Variants in IMMP2L observed in about 807,000 individuals in gnomAD.
IMMP2L encodes the protein inner mitochondrial membrane peptidase subunit 2, also known as mitochondrial inner membrane protease subunit 2.
In IMMP2L, 18 loss-of-function variants were observed where a neutral mutation model predicts 19.3. The ratio of observed to expected loss-of-function variants is 0.93; its 90% confidence interval spans 0.64 to 1.38. The LOEUF (loss-of-function observed/expected upper bound fraction) is 1.38, where lower values mean the gene tolerates loss of function less well. Ranked by LOEUF, IMMP2L falls within the 40% of genes most tolerant of loss-of-function variation. IMMP2L has a pLI of 0.00. For synonymous variants in IMMP2L, 76 were observed against 73.0 expected, an observed-to-expected ratio of 1.04 and a Z score of -0.21; for missense variants, 233 against 218.2, an observed-to-expected ratio of 1.07 and a Z score of -0.43.
At chr7:110,706,206 G>T (rs1794668990) in intron 5 of IMMP2L, among the ~76,000 whole-genome samples, 1 of 152,058 alleles carries the variant, frequency 6.6e-6, no homozygotes, top group Non-Finnish European at 1.5e-5. Context: ...GGGCTCAAGG[G>T]ATCCTTCTGC....
intron 4 of IMMP2L, among the ~76,000 whole-genome samples, chr7:110,945,119 G>A (rs781710808): frequency 3.9e-5 from 6 of 151,910 alleles, no homozygotes; most frequent in African/African-American, 1.2e-4. Flanking sequence ...CCAAGAAAAT[G>A]CAAACTATAG....
At chr7:110,716,310 T>C (rs527925621) in intron 5 of IMMP2L, among the ~76,000 whole-genome samples, 6 of 152,192 alleles carry the variant, frequency 3.9e-5, no homozygotes, top group African/African-American at 1.4e-4. Context: ...AAGGTTAATA[T>C]TGATATGTGA....
chr7:111,397,013 G>C (rs1186820229), intron 3 of IMMP2L, among the ~76,000 whole-genome samples: 1 of 150,248 alleles, frequency 6.7e-6, no homozygotes, highest in Non-Finnish European at 1.5e-5. Flanking sequence ...GTATGAACCA[G>C]GGAGGCAGAG....
At position 110,929,894 on chromosome 7, in the gene IMMP2L, G is replaced by T. The variant is rs556033804; in HGVS notation, c.305+33606C>A. Among the ~76,000 whole-genome samples the T allele has an allele frequency of 2.6e-5, 4 of 152,026 alleles. No homozygotes were observed. The East Asian group carries it at 7.7e-4, about 29-fold the overall frequency. ...ATGATTGAGTTGTGAATTTCATCGA[G>T]TTCCCAATAATAAGCAAATGACCAC... On this transcript the variant is annotated intron_variant, in intron 4 of 5. Transcript: ENST00000405709.
At chr7:111,450,947 A>G (rs28805087) in intron 3 of IMMP2L, among the ~76,000 whole-genome samples, 2,907 of 151,622 alleles carry the variant, frequency 0.019, 96 homozygotes, top group African/African-American at 0.067. Flanking sequence ...CAGCCAAAAA[A>G]CACATGAAAA....
At chr7:110,770,217 CAG>C (rs1235480861) in intron 5 of IMMP2L, among the ~76,000 whole-genome samples, 1 of 152,126 alleles carries the variant, frequency 6.6e-6, no homozygotes, top group African/African-American at 2.4e-5. Flanking sequence ...GTAAAGAACT[CAG>C]GGGATGGAAG....
At chr7:111,188,136 G>A (rs951758010) in intron 3 of IMMP2L, among the ~76,000 whole-genome samples, 1 of 151,970 alleles carries the variant, frequency 6.6e-6, no homozygotes, top group African/African-American at 2.4e-5. Context: ...CTCCCTCCAC[G>A]GCTTGTGACA....
At chr7:111,250,436 TGA>T (rs1159581098) in intron 3 of IMMP2L, among the ~76,000 whole-genome samples, 84 of 152,100 alleles carry the variant, frequency 5.5e-4, no homozygotes, top group African/African-American at 1.9e-3. Context: ...AAAAGGAGCC[TGA>T]ATAGCCACAA....
intron 3 of IMMP2L, among the ~76,000 whole-genome samples, chr7:111,016,733 A>ATATATTATATATATTTATATATAAAGT (rs1563162701): frequency 1.3e-3 from 123 of 93,430 alleles, no homozygotes; most frequent in African/African-American, 4.5e-3. Context: ...TATATAAAAT[A>ATATATTATATATATTTATATATAAAGT]TATATATTAT....
At chr7:111,143,774 G>T (rs936400707) in intron 3 of IMMP2L, among the ~76,000 whole-genome samples, 1 of 152,080 alleles carries the variant, frequency 6.6e-6, no homozygotes, top group African/African-American at 2.4e-5. Context: ...GATATTTATT[G>T]TGCTATCTAC....
intron 5 of IMMP2L, among the ~76,000 whole-genome samples, chr7:110,883,638 A>G (rs977523464): frequency 4.6e-5 from 7 of 152,166 alleles, no homozygotes; most frequent in African/African-American, 1.7e-4. Flanking sequence ...ATCAAAATAC[A>G]TTTATACATC....
At chr7:110,912,597 T>C (rs1404465304) in intron 4 of IMMP2L, among the ~76,000 whole-genome samples, 1 of 151,968 alleles carries the variant, frequency 6.6e-6, no homozygotes, top group East Asian at 1.9e-4. Context: ...GTTTTTTTTT[T>C]TTACTTCATG....
chr7:111,501,604 A>G (rs1478549356), intron 2 of IMMP2L, among the ~76,000 whole-genome samples: 2 of 152,228 alleles, frequency 1.3e-5, no homozygotes, highest in African/African-American at 2.4e-5. Context: ...AGGGAAGCCC[A>G]TCAGACAAAC....
intron 5 of IMMP2L, among the ~76,000 whole-genome samples, chr7:110,668,968 G>T (rs1291153950): frequency 2.7e-5 from 4 of 150,376 alleles, no homozygotes; most frequent in Non-Finnish European, 5.9e-5. Flanking sequence ...TTCAGGTACA[G>T]TTTTGACTTG....
At position 110,877,916 on chromosome 7, in the gene IMMP2L, C is replaced by CA. The variant is rs1332788787; in HGVS notation, c.408+8676dup. 6.6e-6 allele frequency among the ~76,000 whole-genome samples: 1 copy of CA among 151,770 alleles called. No individual in the cohort carries two copies. The highest frequency in any genetic ancestry group is 1.5e-5 in the Non-Finnish European group (1 of 67,912). On this transcript the variant is annotated intron_variant, in intron 5 of 5. Coordinates refer to ENST00000405709, the MANE Select transcript of IMMP2L (RefSeq NM_032549.4). The surrounding 1 kb of genome is among the most constrained non-coding windows in gnomAD (Gnocchi z 4.0). ...TATTTTATACTCTAAAAATAAAAAA[C>CA]AAAAAACAAAAAGCACAATGGATTG...
intron 3 of IMMP2L, among the ~76,000 whole-genome samples, chr7:111,190,216 G>A (rs978520713): frequency 6.6e-6 from 1 of 151,866 alleles, no homozygotes; most frequent in East Asian, 1.9e-4. Context: ...GCAGCATGAC[G>A]GTTATTATTT....
chr7:110,677,757 T>A (rs909016671), intron 5 of IMMP2L, among the ~76,000 whole-genome samples: 1 of 151,524 alleles, frequency 6.6e-6, no homozygotes, highest in East Asian at 1.9e-4. Flanking sequence ...AAAAAATAGA[T>A]AGAAAGCAAT....
At chr7:111,435,631 A>G (rs991031506) in intron 3 of IMMP2L, among the ~76,000 whole-genome samples, 5 of 151,912 alleles carry the variant, frequency 3.3e-5, no homozygotes, top group Non-Finnish European at 7.3e-5. Flanking sequence ...ACCACTATGT[A>G]ATATACACAT....
At chr7:111,167,949 C>G (rs913702624) in intron 3 of IMMP2L, among the ~76,000 whole-genome samples, 2 of 151,894 alleles carry the variant, frequency 1.3e-5, no homozygotes, top group African/African-American at 4.8e-5. Context: ...AGATCTCTGC[C>G]TACCAACCTA....
Sources: gnomAD v4.1 joint callset for allele counts (sites outside exome capture counted in the v4.1 genomes callset) on GRCh38, gnomAD v4.1.1 for gene constraint, Gnocchi (gnomAD v3.1) non-coding constraint, MANE v1.5 for transcripts, NCBI Gene and HGNC (gene_info 2026-07-23, HGNC 2026-07-21) for gene names.